ADAD1: variants seen among roughly 807,000 people sequenced by gnomAD.
ADAD1 encodes adenosine deaminase domain-containing protein 1.
ADAD1 carries 46 observed loss-of-function variants against 66.8 expected under a neutral mutation model. That is an observed-to-expected ratio of 0.69 (90% CI 0.54 to 0.88). The LOEUF (loss-of-function observed/expected upper bound fraction) is 0.88, where lower values mean the gene tolerates loss of function less well. Ranked by LOEUF, ADAD1 falls within the 40% of genes least tolerant of loss-of-function variation. ADAD1 has a pLI of 0.00. For missense variants in ADAD1, 617 were observed against 681.8 expected (o/e 0.91, Z 1.06); for synonymous variants, 248 against 229.4 (o/e 1.08, Z -0.73).
chr4:122,429,164 G>A (rs1195072249), intron 12 of ADAD1, among the ~76,000 whole-genome samples: 1 of 151,782 alleles, frequency 6.6e-6, no homozygotes, highest in Non-Finnish European at 1.5e-5. Flanking sequence ...CTGGCCAGGT[G>A]TGGTGGCTCA....
chr4:122,407,762 ACT>A, intron 7 of ADAD1, 144 bp from the exon 8 acceptor site: 1 of 899,184 alleles, frequency 1.1e-6, no homozygotes, highest in Non-Finnish European at 1.6e-6. Flanking sequence ...AGACTCTAAG[ACT>A]CTTATTTTAA....
chr4:122,383,521 C>T (rs1463734881), intron 4 of ADAD1, among the ~76,000 whole-genome samples: 1 of 152,192 alleles, frequency 6.6e-6, no homozygotes, highest in African/African-American at 2.4e-5. Context: ...ATACTAGACA[C>T]TCACTGTTAC....
At chr4:122,421,118 C>A (rs1796981677) in intron 11 of ADAD1, 143 bp from the exon 12 acceptor site, 3 of 414,830 alleles carry the variant, frequency 7.2e-6, no homozygotes, top group East Asian at 9.9e-5. Context: ...ATTAAGAATG[C>A]CTCTTATGTA....
intron 11 of ADAD1, among the ~76,000 whole-genome samples, chr4:122,416,477 A>C (rs1261383313): frequency 6.6e-6 from 1 of 152,250 alleles, no homozygotes; most frequent in Non-Finnish European, 1.5e-5. Context: ...CTGTAATCCT[A>C]GCAGTTTGGG....
intron 8 of ADAD1, among the ~76,000 whole-genome samples, chr4:122,409,484 T>A (rs948463206): frequency 5.9e-5 from 9 of 152,188 alleles, no homozygotes; most frequent in Non-Finnish European, 1.3e-4. Flanking sequence ...CACTTTAGGG[T>A]AAATGGAGTA....
intron 5 of ADAD1, among the ~76,000 whole-genome samples, chr4:122,386,577 C>T (rs921005811): frequency 5.9e-5 from 9 of 152,088 alleles, no homozygotes; most frequent in Non-Finnish European, 8.8e-5. Flanking sequence ...TTGTTGCAAT[C>T]GCTTTTAGCA....
At chr4:122,414,237 G>GT (rs148251939) in intron 10 of ADAD1, among the ~76,000 whole-genome samples, 5,067 of 100,858 alleles carry the variant, frequency 0.05, 295 homozygotes, top group African/African-American at 0.14. Context: ...ACTTACAGGT[G>GT]TTTTTTTTTT....
Position 122,429,747 on chromosome 4 carries a change from A to G in ADAD1, c.*8A>G, listed in dbSNP as rs376603180. ...GAGCAATTTAACATGTGAAATAGGC[A>G]ATCCATTATCACATTAAAAATCTTG... On this transcript the variant is annotated 3_prime_UTR_variant, in exon 13 of 13. Transcript: ENST00000296513. 2 of 1,545,406 alleles carry G rather than the reference A, an allele frequency of 1.3e-6. No individual in the cohort carries two copies. The highest frequency in any genetic ancestry group is 2.7e-5 in the African/African-American group (2 of 73,424).
intron 7 of ADAD1, among the ~76,000 whole-genome samples, chr4:122,401,650 A>G (rs1306491354): frequency 6.6e-6 from 1 of 152,046 alleles, no homozygotes; most frequent in Non-Finnish European, 1.5e-5. Context: ...AGGTAGTAGT[A>G]ATTATTTTAT....
At chr4:122,418,389 A>G (rs1228263643) in intron 11 of ADAD1, among the ~76,000 whole-genome samples, 1 of 148,006 alleles carries the variant, frequency 6.8e-6, no homozygotes, top group Admixed American at 7.0e-5. Context: ...GGCTCACTGC[A>G]AGCTCCACCT....
At chr4:122,389,859 A>G (rs1795352315) in intron 5 of ADAD1, among the ~76,000 whole-genome samples, 1 of 152,064 alleles carries the variant, frequency 6.6e-6, no homozygotes, top group Admixed American at 6.5e-5. Context: ...TTGACATTTA[A>G]GGTTAGTGTT....
intron 11 of ADAD1, among the ~76,000 whole-genome samples, chr4:122,419,535 A>C (rs937418429): frequency 1.3e-5 from 2 of 152,244 alleles, no homozygotes; most frequent in Non-Finnish European, 2.9e-5. Context: ...TTAAAAGTTT[A>C]CAAAAGAAAT....
At chr4:122,403,734 G>A (rs1796079292) in intron 7 of ADAD1, among the ~76,000 whole-genome samples, 1 of 152,222 alleles carries the variant, frequency 6.6e-6, no homozygotes. Context: ...GGCAGTGGAT[G>A]GGGCTGTAGA....
At chr4:122,413,224 G>C (rs1796550687) in intron 10 of ADAD1, among the ~76,000 whole-genome samples, 1 of 152,060 alleles carries the variant, frequency 6.6e-6, no homozygotes, top group African/African-American at 2.4e-5. Flanking sequence ...TTGAGGAATT[G>C]TTTTCTGTAC....
At chr4:122,410,246 A>G (rs1580785475) in intron 8 of ADAD1, among the ~76,000 whole-genome samples, 1 of 152,076 alleles carries the variant, frequency 6.6e-6, no homozygotes, top group Admixed American at 6.6e-5. Flanking sequence ...ATTGCCCTCC[A>G]CCCCTCTTGG....
intron 5 of ADAD1, among the ~76,000 whole-genome samples, chr4:122,384,341 T>C (rs112319946): frequency 1.9e-3 from 291 of 152,336 alleles, no homozygotes; most frequent in African/African-American, 6.7e-3. Flanking sequence ...ATTCAGTAAA[T>C]GGTAGAATTA....
intron 4 of ADAD1, among the ~76,000 whole-genome samples, chr4:122,382,773 T>A (rs1467113802): frequency 6.6e-6 from 1 of 152,132 alleles, no homozygotes; most frequent in Non-Finnish European, 1.5e-5. Flanking sequence ...TATACAAAAT[T>A]CTCTCTGATT....
At chr4:122,411,902 A>G (rs1035801032) in intron 9 of ADAD1, among the ~76,000 whole-genome samples, 15 of 152,170 alleles carry the variant, frequency 9.9e-5, no homozygotes, top group African/African-American at 3.6e-4. Flanking sequence ...AGACCTCATA[A>G]ACTTGAGGAA....
At chr4:122,391,725 G>A (rs1297082279) in intron 5 of ADAD1, among the ~76,000 whole-genome samples, 1 of 151,978 alleles carries the variant, frequency 6.6e-6, no homozygotes, top group Non-Finnish European at 1.5e-5. Flanking sequence ...TTTGTTTTTT[G>A]TTTTGAGACA....
Sources: gnomAD v4.1 joint callset for allele counts (sites outside exome capture counted in the v4.1 genomes callset) on GRCh38, gnomAD v4.1.1 for gene constraint, MANE v1.5 for transcripts, NCBI Gene and HGNC (gene_info 2026-07-23, HGNC 2026-07-21) for gene names.